The following CPVL variants were observed in gnomAD, a reference collection of about 807,000 sequenced individuals.
The protein encoded by CPVL is carboxypeptidase vitellogenic like.
A neutral mutation model predicts 63.7 loss-of-function variants in CPVL; 51 were observed. The observed-to-expected ratio is 0.80, with a 90% confidence interval of 0.64 to 1.01. The LOEUF (loss-of-function observed/expected upper bound fraction) is 1.01, where lower values mean the gene tolerates loss of function less well. Ranked by LOEUF, CPVL falls within the 50% of genes least tolerant of loss-of-function variation. CPVL has a pLI of 0.00. For missense variants in CPVL, 530 were observed against 573.1 expected, an observed-to-expected ratio of 0.92 and a Z score of 0.77; for synonymous variants, 195 against 206.0, an observed-to-expected ratio of 0.95 and a Z score of 0.46.
chr7:29,189,182 C>T lies in CPVL; in HGVS notation c.-447-2635G>A, dbSNP rs1799091707. On this transcript the variant is annotated intron_variant, in intron 1 of 16. Transcript: ENST00000409850. ...GCCAGGCTGGTCTCGAACTCCTGAC[C>T]TCAAATGATCTGCCCAACCTCAGCC... is the stretch of plus-strand genomic sequence containing the variant. Among the ~76,000 whole-genome samples the T allele has an allele frequency of 2.0e-5, 3 of 152,132 alleles. No homozygotes were observed. The South Asian group carries it at 6.3e-4, about 32-fold the overall frequency.
chr7:29,086,997 A>C (rs895211102), intron 6 of CPVL, among the ~76,000 whole-genome samples: 1 of 152,198 alleles, frequency 6.6e-6, no homozygotes, highest in African/African-American at 2.4e-5. Context: ...CAAGAATGCC[A>C]CATTTTAATA....
At chr7:29,003,719 T>C (rs1784893361) in intron 12 of CPVL, among the ~76,000 whole-genome samples, 1 of 152,168 alleles carries the variant, frequency 6.6e-6, no homozygotes, top group African/African-American at 2.4e-5. Flanking sequence ...GGGACCAATT[T>C]TGTGGGAGAC....
At chr7:29,015,367 G>T (rs1292894005) in intron 12 of CPVL, among the ~76,000 whole-genome samples, 2 of 152,136 alleles carry the variant, frequency 1.3e-5, no homozygotes, top group Non-Finnish European at 2.9e-5. Context: ...TGGAGGTGGG[G>T]CCTGGTGGGA....
At chr7:29,186,858 T>C (rs1423334089) in intron 1 of CPVL, among the ~76,000 whole-genome samples, 1 of 152,158 alleles carries the variant, frequency 6.6e-6, no homozygotes, top group Non-Finnish European at 1.5e-5. Flanking sequence ...GATAAATTAC[T>C]TACCCTAATT....
chr7:29,192,438 GA>G (rs1215995712), intron 1 of CPVL: 13 of 152,216 alleles, frequency 8.5e-5, no homozygotes, highest in African/African-American at 3.1e-4. Flanking sequence ...AAATTTCAGA[GA>G]TGAATAATGA....
chr7:29,033,917 A>G (rs1249784123), intron 11 of CPVL, among the ~76,000 whole-genome samples: 1 of 152,176 alleles, frequency 6.6e-6, no homozygotes, highest in African/African-American at 2.4e-5. Context: ...TTATCTTATG[A>G]AAAAAATCAA....
Position 29,112,800 on chromosome 7 carries a change from G to A in CPVL, c.192C>T (p.Gly64=), listed in dbSNP as rs2011337. The A allele has an allele frequency of 0.11, 172,808 of 1,607,086 alleles. 10,637 individuals carry two copies. Among genetic ancestry groups the A allele is most frequent in the African/African-American group, 0.2 (14,633 of 74,656 alleles). ...IQKGRELSLV[G]PFPGLNMKSY... is the part of the protein sequence containing the mutation. ...TCTTCATGTTCAGTCCTGGGAAAGG[G>A]CCGACCAAACTCAATTCTCTTCCTA... Residue 64 remains glycine, a synonymous_variant, in exon 3 of 13, where the codon GGC becomes GGT. Coordinates refer to ENST00000265394, the MANE Select transcript of CPVL (RefSeq NM_031311.5).
intron 12 of CPVL, among the ~76,000 whole-genome samples, chr7:28,996,549 C>CAAAAAAAAAAAAAACAAAAAAAAA (rs1562713999): frequency 8.8e-6 from 1 of 113,604 alleles, no homozygotes. Flanking sequence ...AACCAAAAAA[C>CAAAAAAAAAAAAAACAAAAAAAAA]AAAAAAAAAA....
At chr7:29,173,949 CA>C (rs74313059) in intron 5 of CPVL, among the ~76,000 whole-genome samples, 366 of 115,510 alleles carry the variant, frequency 3.2e-3, no homozygotes, top group Admixed American at 3.5e-3. Context: ...GAGACTGACT[CA>C]AAAAAAAAAA....
At chr7:29,095,953 C>T (rs2286992) in intron 4 of CPVL, 150 bp downstream of exon 4, 165,035 of 704,110 alleles carry the variant, frequency 0.23, 20,247 homozygotes, top group East Asian at 0.32. Context: ...TCCTCCTTCT[C>T]GGATGGATAT....
Position 29,146,448 on chromosome 7 carries a change from T to G in CPVL, c.-30A>C. 1.5e-6 allele frequency: 2 copies of G among 1,340,292 alleles called. No individual in the cohort carries two copies. Among genetic ancestry groups the G allele is most frequent in the Non-Finnish European group, 2.0e-6 (2 of 1,007,774 alleles). The allele number at this position is 1,340,292 out of a possible 1,614,324, so 83.0% of individuals were successfully genotyped here. ...ACTTACGCGGCGCAGTCGGTGCTCC[T>G]CCCTGAGCCGCGGCGCGCAAGGACC... is the stretch of plus-strand genomic sequence containing the variant. On this transcript the variant is annotated 5_prime_UTR_variant, in exon 1 of 13. Coordinates refer to ENST00000265394, the MANE Select transcript of CPVL (RefSeq NM_031311.5).
intron 7 of CPVL, 46 bp from the exon 8 acceptor site, chr7:29,072,469 G>A (rs555538582): frequency 9.8e-5 from 157 of 1,600,996 alleles, no homozygotes; most frequent in Non-Finnish European, 1.2e-4. Context: ...ATGGATGCTA[G>A]TAAAATTAAA....
At chr7:29,061,338 G>A (rs567042307) in intron 11 of CPVL, among the ~76,000 whole-genome samples, 23 of 152,082 alleles carry the variant, frequency 1.5e-4, no homozygotes, top group South Asian at 1.0e-3. Flanking sequence ...ACTTGAACCC[G>A]GGATGTGGAG....
chr7:29,010,301 C>G (rs1301836856), intron 12 of CPVL: 1 of 151,076 alleles, frequency 6.6e-6, no homozygotes, highest in Non-Finnish European at 1.5e-5. Flanking sequence ...TTTTTACTCT[C>G]TAAATGTAAG....
At chr7:29,034,286 T>G (rs2128157390) in intron 11 of CPVL, among the ~76,000 whole-genome samples, 1 of 152,218 alleles carries the variant, frequency 6.6e-6, no homozygotes, top group African/African-American at 2.4e-5. Flanking sequence ...TTTGTATATT[T>G]TGTAGAGACG....
chr7:29,112,425 G>A (rs533979409), intron 3 of CPVL, among the ~76,000 whole-genome samples: 4 of 152,254 alleles, frequency 2.6e-5, no homozygotes, highest in African/African-American at 9.6e-5. Context: ...ATAGGAAGAA[G>A]ACTGTGGCAG....
At chr7:29,174,541 A>T (rs954507358) in intron 5 of CPVL, among the ~76,000 whole-genome samples, 1 of 152,160 alleles carries the variant, frequency 6.6e-6, no homozygotes, top group Admixed American at 6.5e-5. Context: ...GAAGGGGCAG[A>T]AAGAAAATAC....
At chr7:29,103,187 G>C (rs323197) in intron 3 of CPVL, among the ~76,000 whole-genome samples, 1,867 of 137,468 alleles carry the variant, frequency 0.014, 81 homozygotes, top group African/African-American at 0.048. Context: ...TACTGGGGGG[G>C]GGGGGGGGGT....
intron 5 of CPVL, among the ~76,000 whole-genome samples, chr7:29,174,189 G>T (rs1258020602): frequency 1.3e-5 from 2 of 152,042 alleles, no homozygotes; most frequent in Admixed American, 1.3e-4. Context: ...ACACCTTGAT[G>T]CTCCTCTCAT....
Sources: allele counts gnomAD v4.1 joint callset (sites outside exome capture counted in the v4.1 genomes callset), GRCh38; gene constraint gnomAD v4.1.1; transcripts MANE v1.5; gene names NCBI Gene and HGNC (gene_info 2026-07-23, HGNC 2026-07-21).